The following PPFIA2 variants were observed in gnomAD, a reference collection of about 807,000 sequenced individuals.
The protein encoded by PPFIA2 is PPFI scaffold protein A2.
In PPFIA2, 46 loss-of-function variants were observed where a neutral mutation model predicts 175.5. The observed-to-expected ratio is 0.26, with a 90% CI of 0.21 to 0.34. The LOEUF (loss-of-function observed/expected upper bound fraction) is 0.34, where lower values mean the gene tolerates loss of function less well. Ranked by LOEUF, PPFIA2 falls within the 10% of genes least tolerant of loss-of-function variation. The probability of loss-of-function intolerance (pLI) is 1.00; values close to 1 mark genes in which losing one functional copy is unlikely to be tolerated. For missense variants in PPFIA2, 1,179 were observed against 1,506.1 expected, an observed-to-expected ratio of 0.78 and a Z score of 3.60; for synonymous variants, 568 against 511.4, an observed-to-expected ratio of 1.11 and a Z score of -1.49.
At chr12:81,543,374 GCTC>G (rs779512103) in intron 4 of PPFIA2, among the ~76,000 whole-genome samples, 2 of 152,020 alleles carry the variant, frequency 1.3e-5, no homozygotes, top group Non-Finnish European at 2.9e-5. Context: ...AGTGAATAGA[GCTC>G]CTAATGACCA....
At chr12:81,438,418 G>A (rs899873471) in intron 7 of PPFIA2, among the ~76,000 whole-genome samples, 4 of 152,130 alleles carry the variant, frequency 2.6e-5, no homozygotes, top group Admixed American at 2.6e-4. Flanking sequence ...GTTGGAGTGA[G>A]CCAAGATTGC....
chr12:81,415,670 A>C (rs1479122590), intron 7 of PPFIA2, among the ~76,000 whole-genome samples: 2 of 150,572 alleles, frequency 1.3e-5, no homozygotes, highest in Non-Finnish European at 3.0e-5. Flanking sequence ...TGTTATTTTT[A>C]GTTTTAAGTT....
At chr12:81,465,652 T>C (rs969147703) in intron 4 of PPFIA2, among the ~76,000 whole-genome samples, 3 of 152,144 alleles carry the variant, frequency 2.0e-5, no homozygotes, top group Non-Finnish European at 4.4e-5. Flanking sequence ...TTGCATATAA[T>C]TTCACATAAA....
chr12:81,467,102 T>C (rs2055801695), intron 4 of PPFIA2, among the ~76,000 whole-genome samples: 1 of 151,754 alleles, frequency 6.6e-6, no homozygotes, highest in South Asian at 2.1e-4. Context: ...AGGATTATCT[T>C]CAAGCATAAT....
chr12:81,489,683 C>T (rs2059220154), intron 4 of PPFIA2, among the ~76,000 whole-genome samples: 1 of 151,900 alleles, frequency 6.6e-6, no homozygotes, highest in South Asian at 2.1e-4. Context: ...TGAAACGTTT[C>T]TATCAAGTAT....
intron 26 of PPFIA2, among the ~76,000 whole-genome samples, chr12:81,282,258 T>C (rs1375773350): frequency 6.6e-6 from 1 of 152,060 alleles, no homozygotes; most frequent in African/African-American, 2.4e-5. Flanking sequence ...ATTTCTCAAT[T>C]CTAATATGCA....
chr12:81,559,804 GTT>G (rs71098149), intron 4 of PPFIA2, among the ~76,000 whole-genome samples: 8 of 145,252 alleles, frequency 5.5e-5, no homozygotes, highest in East Asian at 2.0e-4. Context: ...ATGCTTAGTT[GTT>G]TTTTTTTTTG....
intron 4 of PPFIA2, among the ~76,000 whole-genome samples, chr12:81,542,793 T>A (rs1284012852): frequency 1.3e-5 from 2 of 152,268 alleles, no homozygotes; most frequent in Non-Finnish European, 2.9e-5. Context: ...TGGAAGCCAT[T>A]CTTTTGCAAT....
chr12:81,544,230 T>TA (rs1249050486), intron 4 of PPFIA2, among the ~76,000 whole-genome samples: 1 of 152,278 alleles, frequency 6.6e-6, no homozygotes, highest in East Asian at 1.9e-4. Flanking sequence ...AAAAGCTTAT[T>TA]AAAAAATAGA....
At chr12:81,684,828 T>G in intron 3 of PPFIA2, among the ~76,000 whole-genome samples, 1 of 152,094 alleles carries the variant, frequency 6.6e-6, no homozygotes, top group Non-Finnish European at 1.5e-5. Context: ...TCTCATCTCT[T>G]GAGGTACTAA....
intron 4 of PPFIA2, chr12:81,512,369 A>T: frequency 7.8e-7 from 1 of 1,288,256 alleles, no homozygotes; most frequent in Non-Finnish European, 1.0e-6. Context: ...AATTACTTAC[A>T]TTCTCTGAGC....
chr12:81,538,414 G>C (rs1278694004), intron 4 of PPFIA2, among the ~76,000 whole-genome samples: 1 of 151,724 alleles, frequency 6.6e-6, no homozygotes, highest in Admixed American at 6.6e-5. Flanking sequence ...TTAGGTTCTA[G>C]TGCAGATAGA....
rs1264677430 is a variant in PPFIA2, at chr12:81,329,867, G to C, written c.2549-3997C>G. ...CGATGCTTCCAGTGATTAGACCCCG[G>C]GTCCGGGTCTCAGCTGGGGGTGCCT... On this transcript the variant is annotated intron_variant, in intron 21 of 32. Transcript: ENST00000549396. Among the ~76,000 whole-genome samples, 3 of 152,204 alleles carry C rather than the reference G, an allele frequency of 2.0e-5. No individual in the cohort carries two copies. The East Asian group carries it at 5.8e-4, about 29-fold the overall frequency.
At chr12:81,732,276 A>T (rs1183778587) in intron 3 of PPFIA2, among the ~76,000 whole-genome samples, 1 of 151,606 alleles carries the variant, frequency 6.6e-6, no homozygotes, top group Non-Finnish European at 1.5e-5. Flanking sequence ...ATAATTGCTA[A>T]TAGCTTAATT....
At chr12:81,445,149 A>T (rs2050981667) in intron 6 of PPFIA2, among the ~76,000 whole-genome samples, 1 of 144,014 alleles carries the variant, frequency 6.9e-6, no homozygotes. Context: ...ATATCAAAAT[A>T]TACATAATTT....
At chr12:81,642,854 A>G (rs540837469) in intron 4 of PPFIA2, among the ~76,000 whole-genome samples, 3 of 140,400 alleles carry the variant, frequency 2.1e-5, no homozygotes, top group Non-Finnish European at 4.6e-5. Flanking sequence ...CATATATAAC[A>G]TGTATTACAT....
chr12:81,643,393 A>G (rs765464467), intron 4 of PPFIA2, among the ~76,000 whole-genome samples: 3 of 152,010 alleles, frequency 2.0e-5, no homozygotes, highest in Non-Finnish European at 4.4e-5. Context: ...TCTAGTAATT[A>G]CACAAAGTCC....
intron 3 of PPFIA2, among the ~76,000 whole-genome samples, chr12:81,688,965 A>G (rs1280378345): frequency 6.6e-6 from 1 of 151,716 alleles, no homozygotes; most frequent in African/African-American, 2.4e-5. Context: ...TGGCAAGAAA[A>G]CAGATGATCT....
chr12:81,666,384 G>A (rs2070287848), intron 4 of PPFIA2, among the ~76,000 whole-genome samples: 2 of 152,142 alleles, frequency 1.3e-5, no homozygotes, highest in Non-Finnish European at 2.9e-5. Context: ...ATGATAGACT[G>A]GATTAAGAAA....
Sources: allele counts gnomAD v4.1 joint callset (sites outside exome capture counted in the v4.1 genomes callset), GRCh38; gene constraint gnomAD v4.1.1; transcripts MANE v1.5; gene names NCBI Gene and HGNC (gene_info 2026-07-23, HGNC 2026-07-21).